IGF1R: variants seen among roughly 807,000 people sequenced by gnomAD.
IGF1R encodes the protein insulin-like growth factor 1 receptor.
Under a neutral mutation model 144.6 loss-of-function variants are expected in IGF1R, and 44 were observed. The ratio of observed to expected loss-of-function variants is 0.30; its 90% CI spans 0.24 to 0.39. IGF1R has a LOEUF of 0.39. Among genes scored for constraint, IGF1R ranks in the 10% least tolerant of loss-of-function variants. The pLI, the probability that IGF1R is intolerant of heterozygous loss-of-function variation, is 1.00. For synonymous variants in IGF1R, 795 were observed against 722.8 expected, an observed-to-expected ratio of 1.10 and a Z score of -1.60; for missense variants, 1,355 against 1,833.7, an observed-to-expected ratio of 0.74 and a Z score of 4.77.
chr15:98,656,278 A>G (rs2052482377), intron 1 of IGF1R, among the ~76,000 whole-genome samples: 1 of 152,176 alleles, frequency 6.6e-6, no homozygotes, highest in African/African-American at 2.4e-5. Context: ...GGCTGGGCAC[A>G]GCGGCTCCTG....
At chr15:98,762,221 T>A (rs879267694) in intron 2 of IGF1R, among the ~76,000 whole-genome samples, 8,357 of 137,682 alleles carry the variant, frequency 0.061, 278 homozygotes, top group East Asian at 0.13. Context: ...CATTTGATTT[T>A]TCTTTTCTTT....
At chr15:98,876,956 T>C (rs2013090942) in intron 2 of IGF1R, among the ~76,000 whole-genome samples, 1 of 152,174 alleles carries the variant, frequency 6.6e-6, no homozygotes, top group Non-Finnish European at 1.5e-5. Flanking sequence ...GATTTGATGA[T>C]GGAAAAGAGT....
At chr15:98,948,356 C>T (rs2016635105) in intron 19 of IGF1R, among the ~76,000 whole-genome samples, 1 of 152,188 alleles carries the variant, frequency 6.6e-6, no homozygotes, top group South Asian at 2.1e-4. Flanking sequence ...CTTAGCTCCA[C>T]CACCGGGGCT....
At chr15:98,910,601 G>A (rs78095112) in intron 6 of IGF1R, among the ~76,000 whole-genome samples, 5 of 152,170 alleles carry the variant, frequency 3.3e-5, no homozygotes, top group African/African-American at 9.7e-5. Flanking sequence ...GGTCCTTATC[G>A]TAGTTTGAAT....
chr15:98,861,527 C>T (rs1277695027), intron 2 of IGF1R, among the ~76,000 whole-genome samples: 1 of 152,212 alleles, frequency 6.6e-6, no homozygotes, highest in Non-Finnish European at 1.5e-5. Context: ...CCCTCTACTA[C>T]ATACTTCCTA....
intron 2 of IGF1R, among the ~76,000 whole-genome samples, chr15:98,743,348 A>G (rs2054791052): frequency 6.6e-6 from 1 of 152,170 alleles, no homozygotes; most frequent in Admixed American, 6.5e-5. Flanking sequence ...GGGCTGGGCC[A>G]GTGAGTCACT....
At chr15:98,750,880 C>T (rs924874954) in intron 2 of IGF1R, among the ~76,000 whole-genome samples, 1 of 152,124 alleles carries the variant, frequency 6.6e-6, no homozygotes, top group Non-Finnish European at 1.5e-5. Context: ...TCTACCTACT[C>T]AGGCTCAGGT....
At position 98,899,592 on chromosome 15, in the gene IGF1R, C is replaced by T. The variant is rs2151656979; in HGVS notation, c.1218C>T (p.Arg406=). The change falls in exon 5 of 21, where the codon CGC becomes CGT. Residue 406 remains arginine (R), a synonymous_variant. Transcript: ENST00000650285. Reference sequence around the variant, plus strand: ...CCTTGTCCTTCCTAAAAAACCTTCGCCTCATCCTAGGAGAGGAGCAGCTAG... The same window carrying T: ...CCTTGTCCTTCCTAAAAAACCTTCGTCTCATCCTAGGAGAGGAGCAGCTAG... The part of the protein sequence containing the change: ...LVSLSFLKNL[R]LILGEEQLEG... The T allele has an allele frequency of 6.2e-7, 1 of 1,614,128 alleles. No individual in the cohort carries two copies. Among genetic ancestry groups the T allele is most frequent in the Non-Finnish European group, 8.5e-7 (1 of 1,180,026 alleles).
At chr15:98,748,602 GGAAAACTGTAGGAAACTGGAAAATTA>G (rs1453593545) in intron 2 of IGF1R, among the ~76,000 whole-genome samples, 7 of 152,196 alleles carry the variant, frequency 4.6e-5, no homozygotes, top group Non-Finnish European at 1.0e-4. Context: ...TTGGAAAATT[GGAAAACTGTAGGAAACTGGAAAATTA>G]GAAAACTGTA....
At chr15:98,652,464 T>A (rs2141162494) in intron 1 of IGF1R, among the ~76,000 whole-genome samples, 1 of 152,288 alleles carries the variant, frequency 6.6e-6, no homozygotes, top group East Asian at 1.9e-4. Context: ...CAAATTATAG[T>A]TTAGATCCTC....
rs957248842 is a variant in IGF1R at position 98,654,416 on chromosome 15, A to G, written c.94+4741A>G. On this transcript the variant is annotated intron_variant, in intron 1 of 20. Coordinates refer to ENST00000650285, the MANE Select transcript of IGF1R (RefSeq NM_000875.5). ...TAAGAAAGATGGAACTTATTTCAGA[A>G]GTTTTCTGGATTACATATTGCTTAG... Among the ~76,000 whole-genome samples the G allele has an allele frequency of 2.6e-5, 4 of 152,306 alleles. No individual in the cohort carries two copies. The East Asian group carries it at 7.7e-4, about 29-fold the overall frequency.
intron 2 of IGF1R, among the ~76,000 whole-genome samples, chr15:98,813,352 G>A (rs2056632562): frequency 6.6e-6 from 1 of 152,020 alleles, no homozygotes; most frequent in Non-Finnish European, 1.5e-5. Context: ...GGCCAATATT[G>A]CCCTACCTTA....
chr15:98,877,936 T>C (rs2013145800), intron 2 of IGF1R, among the ~76,000 whole-genome samples: 1 of 152,236 alleles, frequency 6.6e-6, no homozygotes, highest in African/African-American at 2.4e-5. Flanking sequence ...ACATAAATGA[T>C]TATGTGTGTG....
chr15:98,869,434 CT>C (rs60569365), intron 2 of IGF1R, among the ~76,000 whole-genome samples: 277 of 134,904 alleles, frequency 2.1e-3, no homozygotes, highest in Non-Finnish European at 1.5e-3. Context: ...CCTTGAGATT[CT>C]TTTTTTTTTT....
intron 2 of IGF1R, among the ~76,000 whole-genome samples, chr15:98,742,954 T>C (rs183625281): frequency 4.1e-4 from 63 of 152,274 alleles, no homozygotes; most frequent in Non-Finnish European, 7.8e-4. Context: ...GGAGAATCAC[T>C]TGAACCTGGG....
In IGF1R at chr15:98,905,491, T is replaced by TA. The variant is rs67289421; in HGVS notation, c.1248-3182dup. Among the ~76,000 whole-genome samples, 838 of 142,300 alleles carry TA rather than the reference T, an allele frequency of 5.9e-3. 4 individuals carry two copies. The highest frequency in any genetic ancestry group is 0.01 in the South Asian group (45 of 4,490). 93.4% of individuals were successfully genotyped at this position (142,300 alleles called of 152,430 possible). A position where few individuals can be genotyped will look rare whatever the true frequency, so the allele number is the denominator to read the frequency against. ...GGCAACATAGTGAGATACCAGCTGT[T>TA]AAAAAAAAAAAAGAAAAGAAAAATT... On this transcript the variant is annotated intron_variant, in intron 5 of 20. Coordinates refer to ENST00000650285, the MANE Select transcript of IGF1R (RefSeq NM_000875.5).
intron 7 of IGF1R, among the ~76,000 whole-genome samples, chr15:98,911,866 T>C (rs567560516): frequency 6.6e-6 from 1 of 152,338 alleles, no homozygotes; most frequent in East Asian, 1.9e-4. Context: ...TTGTATCATC[T>C]TATTCCTGTC....
chr15:98,786,335 A>C (rs1179935966), intron 2 of IGF1R, among the ~76,000 whole-genome samples: 1 of 152,018 alleles, frequency 6.6e-6, no homozygotes, highest in Admixed American at 6.6e-5. Flanking sequence ...CCACATTGCA[A>C]ATTGTCTTTA....
intron 2 of IGF1R, among the ~76,000 whole-genome samples, chr15:98,875,746 G>C (rs1392387770): frequency 6.6e-6 from 1 of 152,178 alleles, no homozygotes; most frequent in African/African-American, 2.4e-5. Flanking sequence ...AGATGAGGCT[G>C]TGGGGTTGGG....
Sources: gnomAD v4.1 joint callset for allele counts (sites outside exome capture counted in the v4.1 genomes callset) on GRCh38, gnomAD v4.1.1 for gene constraint, MANE v1.5 for transcripts, NCBI Gene and HGNC (gene_info 2026-07-23, HGNC 2026-07-21) for gene names.